PLD1: variants seen among roughly 807,000 people sequenced by gnomAD.
PLD1 encodes the protein phospholipase D1.
In PLD1, 112 loss-of-function variants were observed where a neutral mutation model predicts 137.1. That is an observed-to-expected ratio of 0.82 (90% CI 0.70 to 0.96). PLD1 has a LOEUF of 0.96. Among genes scored for constraint, PLD1 ranks in the 40% least tolerant of loss-of-function variants. PLD1 has a pLI of 0.00. For synonymous variants in PLD1, 431 were observed against 454.7 expected (o/e 0.95, Z 0.66); for missense variants, 1,321 against 1,342.0 (o/e 0.98, Z 0.24).
chr3:171,645,202 TC>T (rs1000281614), intron 21 of PLD1, among the ~76,000 whole-genome samples, 179 bp from the exon 22 acceptor site: 1 of 152,150 alleles, frequency 6.6e-6, no homozygotes, highest in African/African-American at 2.4e-5. Flanking sequence ...GAAGCTGTCA[TC>T]CAGGCTATCG....
intron 23 of PLD1, among the ~76,000 whole-genome samples, chr3:171,638,450 A>C (rs1436852771): frequency 6.6e-6 from 1 of 152,210 alleles, no homozygotes; most frequent in Non-Finnish European, 1.5e-5. Context: ...CGGGACCACC[A>C]TCATGCTGCA....
chr3:171,768,651 A>G (rs1384552788), intron 1 of PLD1, among the ~76,000 whole-genome samples: 1 of 152,206 alleles, frequency 6.6e-6, no homozygotes, highest in Non-Finnish European at 1.5e-5. Flanking sequence ...CTGCCATGCA[A>G]CTTCCTCAAC....
rs1368827074 is a variant in PLD1, at chr3:171,713,928, T to G, written c.876A>C (p.Glu292Asp). The G allele has an allele frequency of 1.2e-6, 2 of 1,613,232 alleles. No individual in the cohort carries two copies. Among genetic ancestry groups the G allele is most frequent in the Non-Finnish European group, 1.7e-6 (2 of 1,179,170 alleles). ...FKIKVGKKET[E>D]TKYGIRIDNL... ...TATCAATTCGGATTCCATATTTCGT[T>G]TCTGTCTCCTTCTTCCCCACCTTAA... The change falls in exon 9 of 27, where the codon GAA (glutamate) becomes GAC (aspartate). Residue 292 changes from glutamate (E) to aspartate (D), a missense_variant. Glu to Asp is a conservative substitution (Grantham distance 45). Transcript: ENST00000351298.
chr3:171,615,752 A>C (rs1378566912), intron 24 of PLD1, among the ~76,000 whole-genome samples: 2 of 152,062 alleles, frequency 1.3e-5, no homozygotes, highest in Admixed American at 6.5e-5. Flanking sequence ...GGATTTCTTT[A>C]TTTATTCTGC....
At chr3:171,608,674 C>A (rs893284049) in intron 25 of PLD1, among the ~76,000 whole-genome samples, 1 of 152,086 alleles carries the variant, frequency 6.6e-6, no homozygotes, top group East Asian at 1.9e-4. Context: ...GGCGAAGAGT[C>A]CTACTACGTA....
intron 18 of PLD1, among the ~76,000 whole-genome samples, chr3:171,674,897 T>C (rs1713180517): frequency 6.9e-6 from 1 of 144,504 alleles, no homozygotes. Context: ...GAGAATCACT[T>C]GAACCTCGGA....
chr3:171,792,052 CTG>C (rs1361849541), intron 1 of PLD1: 1 of 152,696 alleles, frequency 6.5e-6, no homozygotes, highest in Non-Finnish European at 1.5e-5. Flanking sequence ...TACCTGTAGA[CTG>C]TGTCTCCTCA....
chr3:171,750,146 ATTAT>A (rs1382648637), intron 1 of PLD1, among the ~76,000 whole-genome samples: 7 of 152,224 alleles, frequency 4.6e-5, no homozygotes, highest in African/African-American at 7.2e-5. Flanking sequence ...GCTGAGAAGG[ATTAT>A]TTAAAGTGAC....
chr3:171,775,103 T>G (rs1722544399), intron 1 of PLD1, among the ~76,000 whole-genome samples: 1 of 152,252 alleles, frequency 6.6e-6, no homozygotes. Context: ...TTCAGGCTGT[T>G]GATAAAAAAT....
At chr3:171,663,655 C>A (rs1711763922) in intron 19 of PLD1, among the ~76,000 whole-genome samples, 1 of 152,162 alleles carries the variant, frequency 6.6e-6, no homozygotes, top group Admixed American at 6.5e-5. Flanking sequence ...ACTCAGCAAC[C>A]ATTGGTCATC....
At chr3:171,694,506 T>C (rs547230428) in intron 12 of PLD1, among the ~76,000 whole-genome samples, 2 of 152,048 alleles carry the variant, frequency 1.3e-5, no homozygotes, top group Non-Finnish European at 2.9e-5. Context: ...TACTGTTCAG[T>C]TCTATTTTTG....
At chr3:171,714,353 C>T (rs184544909) in intron 8 of PLD1, among the ~76,000 whole-genome samples, 10 of 152,184 alleles carry the variant, frequency 6.6e-5, no homozygotes, top group South Asian at 2.1e-4. Flanking sequence ...ACAGGATGTA[C>T]GACAGGAAGG....
chr3:171,756,244 G>C (rs150019327), intron 1 of PLD1, among the ~76,000 whole-genome samples: 1 of 152,180 alleles, frequency 6.6e-6, no homozygotes, highest in Non-Finnish European at 1.5e-5. Context: ...GAGCTAAAAA[G>C]TCTTCAGTAA....
rs368803035 is a variant in PLD1, at chr3:171,731,596, A to G, written c.606+1848T>C. Among the ~76,000 whole-genome samples the G allele has an allele frequency of 3.9e-5, 6 of 152,246 alleles. No individual in the cohort carries two copies. The South Asian group carries it at 6.2e-4, about 16-fold the overall frequency. ...AGGGATCGAAATCATCCTGGCCAAC[A>G]TGGTGAAACCTCGTCTCTACTAAAA... On this transcript the variant is annotated intron_variant, in intron 6 of 26. Coordinates refer to ENST00000351298, the MANE Select transcript of PLD1 (RefSeq NM_002662.5).
intron 1 of PLD1, among the ~76,000 whole-genome samples, chr3:171,743,855 C>T (rs1003336919): frequency 1.3e-5 from 2 of 152,190 alleles, no homozygotes; most frequent in Admixed American, 6.5e-5. Context: ...GCATTCACCA[C>T]AGACACCCAG....
chr3:171,744,180 T>C (rs555462788), intron 1 of PLD1, among the ~76,000 whole-genome samples: 1 of 152,244 alleles, frequency 6.6e-6, no homozygotes, highest in Non-Finnish European at 1.5e-5. Context: ...AGCAACTTCA[T>C]GAGGAGTACT....
intron 16 of PLD1, among the ~76,000 whole-genome samples, chr3:171,679,511 A>C (rs1263835590): frequency 6.6e-6 from 1 of 152,252 alleles, no homozygotes; most frequent in Admixed American, 6.5e-5. Context: ...GGGATGAAAA[A>C]TGAGATAAAC....
intron 25 of PLD1, among the ~76,000 whole-genome samples, chr3:171,608,037 C>T (rs916335836): frequency 1.6e-4 from 25 of 152,200 alleles, no homozygotes; most frequent in African/African-American, 5.3e-4. Context: ...CTAAAATTGA[C>T]GCAATGTTTT....
At chr3:171,610,471 C>T (rs1732562207) in intron 25 of PLD1, among the ~76,000 whole-genome samples, 2 of 152,154 alleles carry the variant, frequency 1.3e-5, no homozygotes, top group South Asian at 4.1e-4. Flanking sequence ...GATGGTATTA[C>T]AGATGAATTT....
Sources: allele counts gnomAD v4.1 joint callset (sites outside exome capture counted in the v4.1 genomes callset), GRCh38; gene constraint gnomAD v4.1.1; transcripts MANE v1.5; gene names NCBI Gene and HGNC (gene_info 2026-07-23, HGNC 2026-07-21).